GARRE1: variants seen among roughly 807,000 people sequenced by gnomAD.
GARRE1 encodes the protein granule associated Rac and RHOG effector protein 1.
A neutral mutation model predicts 103.2 loss-of-function variants in GARRE1; 49 were observed. That is an observed-to-expected ratio of 0.47 (90% CI 0.38 to 0.60). GARRE1 has a LOEUF of 0.60. Among genes scored for constraint, GARRE1 ranks in the 20% least tolerant of loss-of-function variants. The pLI is 0.00. For synonymous variants in GARRE1, 505 were observed against 532.8 expected (o/e 0.95, Z 0.72); for missense variants, 1,199 against 1,370.5 (o/e 0.87, Z 1.98).
At chr19:34,280,928 G>A (rs1476262096) in intron 1 of GARRE1, among the ~76,000 whole-genome samples, 5 of 150,030 alleles carry the variant, frequency 3.3e-5, no homozygotes, top group Non-Finnish European at 7.4e-5. Flanking sequence ...GTAAATTCCA[G>A]TAGGTTTTTT....
intron 3 of GARRE1, among the ~76,000 whole-genome samples, chr19:34,325,409 G>A (rs558954072): frequency 6.6e-6 from 1 of 152,132 alleles, no homozygotes; most frequent in African/African-American, 2.4e-5. Context: ...CCACTCACCT[G>A]TTCCTCCCTA....
intron 1 of GARRE1, among the ~76,000 whole-genome samples, chr19:34,292,220 C>CA (rs2073922039): frequency 6.6e-6 from 1 of 152,186 alleles, no homozygotes; most frequent in South Asian, 2.1e-4. Flanking sequence ...TCAGTAGACT[C>CA]ATACAATAGG....
intron 13 of GARRE1, among the ~76,000 whole-genome samples, chr19:34,352,157 T>C (rs1394836836): frequency 1.2e-4 from 18 of 151,966 alleles, no homozygotes; most frequent in South Asian, 6.2e-4. Flanking sequence ...CCCAGCACTT[T>C]GGGAGGCCAA....
chr19:34,264,696 C>G (rs2073741226), intron 1 of GARRE1, among the ~76,000 whole-genome samples: 1 of 152,190 alleles, frequency 6.6e-6, no homozygotes, highest in African/African-American at 2.4e-5. Flanking sequence ...CCACGCCCGG[C>G]TGGCATGTCA....
intron 7 of GARRE1, among the ~76,000 whole-genome samples, chr19:34,331,553 AT>A (rs549901311): frequency 7.8e-4 from 118 of 152,164 alleles, no homozygotes; most frequent in Non-Finnish European, 1.4e-3. Context: ...TGTTCATTTC[AT>A]CTTTCAGAGA....
chr19:34,254,748 G>T (rs1216205104), intron 1 of GARRE1, 134 bp downstream of exon 1: 1 of 148,118 alleles, frequency 6.8e-6, no homozygotes, highest in East Asian at 2.0e-4. Flanking sequence ...TCCGCTCGGG[G>T]CCGCAGGGCG....
intron 7 of GARRE1, among the ~76,000 whole-genome samples, chr19:34,331,013 C>G (rs760975842): frequency 6.6e-6 from 1 of 151,714 alleles, no homozygotes; most frequent in Non-Finnish European, 1.5e-5. Context: ...GATTCTCCTC[C>G]CTCGGCTTCC....
At chr19:34,325,308 G>T (rs2074106434) in intron 3 of GARRE1, among the ~76,000 whole-genome samples, 1 of 152,144 alleles carries the variant, frequency 6.6e-6, no homozygotes, top group African/African-American at 2.4e-5. Context: ...AAATGTGTGT[G>T]ATCAGTGAGC....
At chr19:34,307,624 T>C (rs969645641) in intron 2 of GARRE1, among the ~76,000 whole-genome samples, 1 of 139,038 alleles carries the variant, frequency 7.2e-6, no homozygotes, top group Non-Finnish European at 1.6e-5. Context: ...TATATACTTA[T>C]ATATACATAT....
At chr19:34,280,751 C>T (rs1006898354) in intron 1 of GARRE1, among the ~76,000 whole-genome samples, 2 of 152,222 alleles carry the variant, frequency 1.3e-5, no homozygotes, top group African/African-American at 4.8e-5. Context: ...GTGCTTTTGA[C>T]ATGAGCCTAG....
At chr19:34,287,962 G>A (rs572656923) in intron 1 of GARRE1, among the ~76,000 whole-genome samples, 20 of 152,180 alleles carry the variant, frequency 1.3e-4, no homozygotes, top group African/African-American at 4.8e-4. Flanking sequence ...CTTAGTTGTG[G>A]GCAATTCAGT....
intron 3 of GARRE1, among the ~76,000 whole-genome samples, chr19:34,325,705 C>G: frequency 6.6e-6 from 1 of 152,194 alleles, no homozygotes. Context: ...ATGTGGACCC[C>G]TCAGCACGAC....
At chr19:34,346,180 C>T (rs1269395971) in intron 10 of GARRE1, among the ~76,000 whole-genome samples, 1 of 152,180 alleles carries the variant, frequency 6.6e-6, no homozygotes, top group African/African-American at 2.4e-5. Context: ...GGATTGTGCC[C>T]TAGTATCTTC....
chr19:34,332,151 C>G (rs1008009643), intron 7 of GARRE1, among the ~76,000 whole-genome samples: 4 of 151,968 alleles, frequency 2.6e-5, no homozygotes, highest in Non-Finnish European at 5.9e-5. Context: ...CGGGTTAGGG[C>G]TCAGGTGGCC....
At chr19:34,325,423 C>CCTCT in intron 3 of GARRE1, among the ~76,000 whole-genome samples, 1 of 152,244 alleles carries the variant, frequency 6.6e-6, no homozygotes. Context: ...CTCCCTAGAC[C>CCTCT]CTCTCTATGC....
chr19:34,345,726 G>A (rs1414887123), intron 10 of GARRE1, among the ~76,000 whole-genome samples: 1 of 152,226 alleles, frequency 6.6e-6, no homozygotes, highest in Non-Finnish European at 1.5e-5. Flanking sequence ...GGAGGCTGAG[G>A]CACGAGAATT....
chr19:34,301,054 A>G, intron 2 of GARRE1, 86 bp downstream of exon 2: 8 of 1,360,370 alleles, frequency 5.9e-6, no homozygotes, highest in Non-Finnish European at 8.0e-6. Context: ...TTTCCAAATC[A>G]CTGTAATAGT....
intron 1 of GARRE1, among the ~76,000 whole-genome samples, chr19:34,276,746 T>C (rs2073819338): frequency 6.6e-6 from 1 of 152,240 alleles, no homozygotes; most frequent in Non-Finnish European, 1.5e-5. Flanking sequence ...AGTAGCTTGC[T>C]ATAGCAGCCA....
chr19:34,323,195 C>T (rs1202478903), intron 3 of GARRE1, among the ~76,000 whole-genome samples: 2 of 151,726 alleles, frequency 1.3e-5, no homozygotes, highest in Non-Finnish European at 2.9e-5. Context: ...TCTCACCTGG[C>T]TAATTTTTTG....
Sources: allele counts gnomAD v4.1 joint callset (sites outside exome capture counted in the v4.1 genomes callset), GRCh38; gene constraint gnomAD v4.1.1; transcripts MANE v1.5; gene names NCBI Gene and HGNC (gene_info 2026-07-23, HGNC 2026-07-21).